The following DNER variants were observed in gnomAD, a reference collection of about 807,000 sequenced individuals.
DNER encodes delta and Notch-like epidermal growth factor-related receptor.
DNER carries 33 observed loss-of-function variants against 78.2 expected under a neutral mutation model. The ratio of observed to expected loss-of-function variants is 0.42; its 90% CI spans 0.32 to 0.56. DNER has a LOEUF of 0.56. Ranked by LOEUF, DNER falls within the 20% of genes least tolerant of loss-of-function variation. DNER has a pLI of 0.11. For synonymous variants in DNER, 417 were observed against 384.8 expected (o/e 1.08, Z -0.98); for missense variants, 918 against 975.3 (o/e 0.94, Z 0.78).
At chr2:229,624,922 CT>C (rs1698310714) in intron 1 of DNER, among the ~76,000 whole-genome samples, 1 of 152,162 alleles carries the variant, frequency 6.6e-6, no homozygotes, top group Non-Finnish European at 1.5e-5. Flanking sequence ...TCTATTACTT[CT>C]TTTTTAGTCA....
chr2:229,553,281 C>T (rs1696785990), intron 4 of DNER, among the ~76,000 whole-genome samples: 1 of 152,176 alleles, frequency 6.6e-6, no homozygotes, highest in South Asian at 2.1e-4. Flanking sequence ...GTCAATTGAT[C>T]TCTGGGTTGT....
chr2:229,398,828 G>T (rs1482969193), intron 10 of DNER, among the ~76,000 whole-genome samples: 1 of 151,514 alleles, frequency 6.6e-6, no homozygotes, highest in Non-Finnish European at 1.5e-5. Context: ...ACAAGCCAAA[G>T]AAAAAAATCA....
At chr2:229,480,028 T>C (rs79129733) in intron 6 of DNER, among the ~76,000 whole-genome samples, 19,015 of 152,274 alleles carry the variant, frequency 0.12, 1,333 homozygotes, top group South Asian at 0.2. Flanking sequence ...GCAGCCAATT[T>C]GGTCTCAGAA....
At chr2:229,451,372 G>A (rs141108068) in intron 7 of DNER, among the ~76,000 whole-genome samples, 2,404 of 152,256 alleles carry the variant, frequency 0.016, 27 homozygotes, top group African/African-American at 0.021. Context: ...CAGGAGAATC[G>A]CTTGAACCCA....
chr2:229,405,325 T>C (rs1693356892), intron 10 of DNER, among the ~76,000 whole-genome samples: 1 of 152,200 alleles, frequency 6.6e-6, no homozygotes, highest in African/African-American at 2.4e-5. Flanking sequence ...TCAATGTTTG[T>C]TTGTTTTTTC....
chr2:229,667,817 T>C (rs1039008256), intron 1 of DNER, among the ~76,000 whole-genome samples: 1 of 152,156 alleles, frequency 6.6e-6, no homozygotes, highest in Non-Finnish European at 1.5e-5. Context: ...CAAGGAAGGA[T>C]AGTGGTAGGT....
intron 12 of DNER, among the ~76,000 whole-genome samples, chr2:229,360,661 C>T (rs1692190909): frequency 6.6e-6 from 1 of 152,180 alleles, no homozygotes; most frequent in Non-Finnish European, 1.5e-5. Flanking sequence ...ATCCACCCGC[C>T]TCGGCCTCCC....
At chr2:229,602,619 T>C (rs1180939942) in intron 1 of DNER, among the ~76,000 whole-genome samples, 1 of 152,162 alleles carries the variant, frequency 6.6e-6, no homozygotes, top group Non-Finnish European at 1.5e-5. Flanking sequence ...GCATGCAAGA[T>C]CAAAATTTAC....
chr2:229,613,047 A>T (rs903822392), intron 1 of DNER, among the ~76,000 whole-genome samples: 2 of 152,228 alleles, frequency 1.3e-5, no homozygotes, highest in Non-Finnish European at 2.9e-5. Flanking sequence ...AAACATTCGC[A>T]TTGTAAAATG....
At chr2:229,456,630 C>T (rs1694580201) in intron 7 of DNER, among the ~76,000 whole-genome samples, 1 of 152,002 alleles carries the variant, frequency 6.6e-6, no homozygotes, top group Admixed American at 6.5e-5. Flanking sequence ...CTGTGATGAC[C>T]TTCTGAATAA....
chr2:229,604,411 T>A (rs1451601458), intron 1 of DNER, among the ~76,000 whole-genome samples: 1 of 152,092 alleles, frequency 6.6e-6, no homozygotes, highest in African/African-American at 2.4e-5. Context: ...TTATTCAGAG[T>A]ATTCCCTACC....
At chr2:229,593,215 C>A in intron 1 of DNER, among the ~76,000 whole-genome samples, 1 of 152,240 alleles carries the variant, frequency 6.6e-6, no homozygotes, top group East Asian at 1.9e-4. Context: ...CTTCGGCAGA[C>A]AAAGCTCTTT....
intron 12 of DNER, among the ~76,000 whole-genome samples, chr2:229,364,894 A>G (rs1403517083): frequency 5.7e-5 from 7 of 121,880 alleles, no homozygotes; most frequent in Admixed American, 2.2e-4. Context: ...TCTGTCACCC[A>G]GGCTGGAGTG....
intron 1 of DNER, among the ~76,000 whole-genome samples, chr2:229,621,103 C>T (rs1267792090): frequency 6.6e-6 from 1 of 152,164 alleles, no homozygotes; most frequent in Non-Finnish European, 1.5e-5. Flanking sequence ...GTAAACAAGT[C>T]CTTAAGGACA....
intron 1 of DNER, among the ~76,000 whole-genome samples, chr2:229,658,072 C>T (rs762771079): frequency 6.6e-6 from 1 of 152,080 alleles, no homozygotes; most frequent in Non-Finnish European, 1.5e-5. Flanking sequence ...ACAAGCAGCT[C>T]GTCAGTCTAA....
At position 229,634,995 on chromosome 2, in the gene DNER, G is replaced by GT. The variant is rs1345356491; in HGVS notation, c.277-43108dup. Reference sequence around the variant, plus strand: ...ACATCTAATGACAGCTTGACTGTCAGTTTTTCATCTCAAGCTCCAGTGAGG... The same window carrying GT: ...ACATCTAATGACAGCTTGACTGTCAGTTTTTTCATCTCAAGCTCCAGTGAGG... On this transcript the variant is annotated intron_variant, in intron 1 of 12. Transcript: ENST00000341772. Among the ~76,000 whole-genome samples the GT allele has an allele frequency of 2.0e-5, 3 of 152,200 alleles. No homozygotes were observed. The East Asian group carries it at 5.8e-4, about 29-fold the overall frequency.
intron 10 of DNER, among the ~76,000 whole-genome samples, chr2:229,397,776 T>C (rs960642864): frequency 1.3e-5 from 2 of 152,102 alleles, no homozygotes; most frequent in African/African-American, 4.8e-5. Flanking sequence ...AAGTAATCTA[T>C]GGATCAAAGA....
intron 11 of DNER, among the ~76,000 whole-genome samples, chr2:229,382,332 A>G (rs1692758940): frequency 6.6e-6 from 1 of 152,192 alleles, no homozygotes; most frequent in Non-Finnish European, 1.5e-5. Flanking sequence ...AAAGGCTAAA[A>G]ATTCCAAAAA....
chr2:229,646,799 A>G (rs1303144352), intron 1 of DNER, among the ~76,000 whole-genome samples: 5 of 152,278 alleles, frequency 3.3e-5, no homozygotes, highest in African/African-American at 1.2e-4. Flanking sequence ...TGGAACTTAC[A>G]TGCAGGAGGC....
Sources: allele counts gnomAD v4.1 joint callset (sites outside exome capture counted in the v4.1 genomes callset), GRCh38; gene constraint gnomAD v4.1.1; transcripts MANE v1.5; gene names NCBI Gene and HGNC (gene_info 2026-07-23, HGNC 2026-07-21).